ADAMTS2: variants seen among roughly 807,000 people sequenced by gnomAD.
The protein encoded by ADAMTS2 is ADAM metallopeptidase with thrombospondin type 1 motif 2.
In ADAMTS2, 50 loss-of-function variants were observed where a neutral mutation model predicts 123.0. That is an observed-to-expected ratio of 0.41 (90% CI 0.32 to 0.51). The LOEUF (loss-of-function observed/expected upper bound fraction) is 0.51, where lower values mean the gene tolerates loss of function less well. ADAMTS2 is among the 20% of genes least tolerant of loss of function. The pLI is 0.35. For missense variants in ADAMTS2, 1,494 were observed against 1,705.2 expected, an observed-to-expected ratio of 0.88 and a Z score of 2.18; for synonymous variants, 678 against 695.4, an observed-to-expected ratio of 0.98 and a Z score of 0.39.
intron 8 of ADAMTS2, 77 bp downstream of exon 8, chr5:179,153,972 G>A: frequency 6.5e-7 from 1 of 1,533,216 alleles, no homozygotes; most frequent in Non-Finnish European, 8.8e-7. Context: ...TGGCTCTGGT[G>A]CATGGGGACT....
chr5:179,340,080 T>A (rs1214975857), intron 2 of ADAMTS2, among the ~76,000 whole-genome samples: 1 of 152,242 alleles, frequency 6.6e-6, no homozygotes, highest in Non-Finnish European at 1.5e-5. Flanking sequence ...TCTCTGAGCC[T>A]CAGCCACGCA....
chr5:179,181,346 C>G lies in ADAMTS2; in HGVS notation c.892-191G>C, dbSNP rs1213449292. Among the ~76,000 whole-genome samples the G allele has an allele frequency of 6.6e-6, 1 of 152,160 alleles. No individual in the cohort carries two copies. Among genetic ancestry groups the G allele is most frequent in the Non-Finnish European group, 1.5e-5 (1 of 68,018 alleles). On this transcript the variant is annotated intron_variant, in intron 4 of 21. Coordinates refer to ENST00000251582, the MANE Select transcript of ADAMTS2 (RefSeq NM_014244.5). This position sits in a 1 kb window ranked among gnomAD's most constrained non-coding sequence, Gnocchi z 4.1. The stretch of plus-strand genomic sequence containing the variant: ...CCTCTGCCTCTCCAGGCTGCCACCA[C>G]CACCTGCTGGGATCACTGTAGCCCC...
In ADAMTS2 at chr5:179,256,647, G is replaced by C. The variant is rs573440067; in HGVS notation, c.688+16264C>G. Among the ~76,000 whole-genome samples the C allele has an allele frequency of 3.9e-5, 6 of 152,300 alleles. No homozygotes were observed. Among genetic ancestry groups the C allele is most frequent in the African/African-American group, 1.4e-4 (6 of 41,564 alleles). On this transcript the variant is annotated intron_variant, in intron 3 of 21. Transcript: ENST00000251582. The surrounding 1 kb of genome is among the most constrained non-coding windows in gnomAD (Gnocchi z 4.1). ...CAGGCGGGGCCAGCATGAGTGGGGG[G>C]GCCAGGCACGAATCGGCAGGGAGGG...
At chr5:179,271,941 G>A (rs543049114) in intron 3 of ADAMTS2, among the ~76,000 whole-genome samples, 4 of 152,290 alleles carry the variant, frequency 2.6e-5, no homozygotes, top group South Asian at 2.1e-4. Context: ...TGGAGCACTC[G>A]CTGTGAACGT....
At chr5:179,182,403 A>ACACT (rs1220279396) in intron 4 of ADAMTS2, among the ~76,000 whole-genome samples, 1 of 152,158 alleles carries the variant, frequency 6.6e-6, no homozygotes, top group Admixed American at 6.5e-5. Context: ...AGGCCAGCAC[A>ACACT]CACTCCCTGC....
Position 179,343,820 on chromosome 5 carries a change from C to T in ADAMTS2, c.481G>A (p.Val161Met). ...LLGSCLYVGD[V>M]AGLAEASSVA... ...GAGGAGGCTTCGGCTAGGCCGGCCA[C>T]GTCTCCGACGTAGAGACAGCTCCCG... is the stretch of plus-strand genomic sequence containing the variant. Residue 161 changes from valine (V) to methionine (M), a missense_variant, in exon 2 of 22, where the codon GTG becomes ATG. Val to Met is a conservative substitution (Grantham distance 21, BLOSUM62 1). Coordinates refer to ENST00000251582, the MANE Select transcript of ADAMTS2 (RefSeq NM_014244.5). 1.2e-6 allele frequency: 2 copies of T among 1,610,124 alleles called. No homozygotes were observed. The highest frequency in any genetic ancestry group is 1.7e-6 in the Non-Finnish European group (2 of 1,179,052).
At chr5:179,258,387 C>A (rs1485174992) in intron 3 of ADAMTS2, among the ~76,000 whole-genome samples, 1 of 152,182 alleles carries the variant, frequency 6.6e-6, no homozygotes, top group East Asian at 1.9e-4. Flanking sequence ...GTCCTTTTTG[C>A]CCTGCTGGAC....
At chr5:179,217,791 C>CACACTCTCTAGGGGATGGT (rs1187301459) in intron 3 of ADAMTS2, among the ~76,000 whole-genome samples, 1 of 87,362 alleles carries the variant, frequency 1.1e-5, no homozygotes, top group Admixed American at 1.1e-4. Flanking sequence ...TAGGGGATGG[C>CACACTCTCTAGGGGATGGT]GCAAGGGGGG....
At chr5:179,343,127 T>G (rs1163890662) in intron 2 of ADAMTS2, among the ~76,000 whole-genome samples, 2 of 151,982 alleles carry the variant, frequency 1.3e-5, no homozygotes, top group Non-Finnish European at 2.9e-5. Context: ...AACCAATGAT[T>G]CCCGGTCAGC....
chr5:179,169,459 C>T (rs1434074957), intron 5 of ADAMTS2, among the ~76,000 whole-genome samples: 6 of 152,242 alleles, frequency 3.9e-5, no homozygotes, highest in African/African-American at 2.4e-5. Context: ...CTTAGTGCCT[C>T]CTAGTTCTCT....
At chr5:179,159,417 C>T (rs985374660) in intron 5 of ADAMTS2, among the ~76,000 whole-genome samples, 7 of 152,190 alleles carry the variant, frequency 4.6e-5, no homozygotes, top group African/African-American at 1.4e-4. Flanking sequence ...GGAAAAGAAA[C>T]AGCAACTGAC....
Position 179,137,902 on chromosome 5 carries a change from G to A in ADAMTS2, c.1818C>T (p.Asp606=). 6.4e-7 allele frequency: 1 copy of A among 1,554,034 alleles called. No homozygotes were observed. Among genetic ancestry groups the A allele is most frequent in the Non-Finnish European group, 8.7e-7 (1 of 1,150,340 alleles). ...AGTCCTGGCGGCTGCAGAGCTGGAA[G>A]TCGTAGGCAAGGCCCGAGCAGGTGC... The part of the protein sequence containing the change: ...GGRTCSGLAY[D]FQLCSRQDCP... Residue 606 remains aspartate, a synonymous_variant, in exon 12 of 22, where the codon GAC becomes GAT. Coordinates refer to ENST00000251582, the MANE Select transcript of ADAMTS2 (RefSeq NM_014244.5).
At chr5:179,284,442 A>G (rs987577573) in intron 2 of ADAMTS2, among the ~76,000 whole-genome samples, 2 of 151,952 alleles carry the variant, frequency 1.3e-5, no homozygotes, top group African/African-American at 2.4e-5. Flanking sequence ...AGTGGAGTAC[A>G]GTGGCCTGAG....
Position 179,218,307 on chromosome 5 carries a change from A to G in ADAMTS2, c.689-10592T>C, listed in dbSNP as rs57255683. 1.6e-3 allele frequency among the ~76,000 whole-genome samples: 239 copies of G among 152,278 alleles called. 2 individuals are homozygous for G. The highest frequency in any genetic ancestry group is 4.9e-3 in the African/African-American group (204 of 41,554). ...AACAAGGTCATCCCCTCCATTTCTT[A>G]CTAACCAAGAGAGAGTCGCTCTGTG... On this transcript the variant is annotated intron_variant, in intron 3 of 21. Transcript: ENST00000251582.
chr5:179,321,271 C>T (rs560860644), intron 2 of ADAMTS2, among the ~76,000 whole-genome samples: 6 of 152,164 alleles, frequency 3.9e-5, no homozygotes, highest in Non-Finnish European at 7.4e-5. Context: ...CAAGCGCACA[C>T]GTAAACACTG....
At chr5:179,142,802 G>C (rs1763193472) in intron 10 of ADAMTS2, among the ~76,000 whole-genome samples, 1 of 152,182 alleles carries the variant, frequency 6.6e-6, no homozygotes, top group African/African-American at 2.4e-5. Context: ...AGCAGGACCA[G>C]GGCACTAAAA....
At chr5:179,255,766 G>A (rs1418610445) in intron 3 of ADAMTS2, among the ~76,000 whole-genome samples, 3 of 152,158 alleles carry the variant, frequency 2.0e-5, no homozygotes, top group South Asian at 2.1e-4. Context: ...GGGGTGGCAC[G>A]GCACAGACAC....
intron 5 of ADAMTS2, among the ~76,000 whole-genome samples, chr5:179,171,826 A>G (rs1763820067): frequency 6.6e-6 from 1 of 152,186 alleles, no homozygotes; most frequent in Non-Finnish European, 1.5e-5. Flanking sequence ...CAGGAGGCCA[A>G]TCATCCCTGA....
chr5:179,206,706 C>T (rs1205138516), intron 4 of ADAMTS2, among the ~76,000 whole-genome samples: 2 of 152,250 alleles, frequency 1.3e-5, no homozygotes, highest in Non-Finnish European at 2.9e-5. Flanking sequence ...GGACGCCCCT[C>T]ATCCCCACAG....
Sources: gnomAD v4.1 joint callset for allele counts (sites outside exome capture counted in the v4.1 genomes callset) on GRCh38, gnomAD v4.1.1 for gene constraint, Gnocchi (gnomAD v3.1) non-coding constraint, MANE v1.5 for transcripts, NCBI Gene and HGNC (gene_info 2026-07-23, HGNC 2026-07-21) for gene names.